SLC25A21: variants seen among roughly 807,000 people sequenced by gnomAD.
The protein encoded by SLC25A21 is solute carrier family 25 member 21.
Under a neutral mutation model 43.8 loss-of-function variants are expected in SLC25A21, and 47 were observed. The ratio of observed to expected loss-of-function variants is 1.07; its 90% CI spans 0.85 to 1.37. The LOEUF is 1.37. SLC25A21 is among the 40% of genes most tolerant of loss of function. The probability of loss-of-function intolerance (pLI) is 0.00; values close to 1 mark genes in which losing one functional copy is unlikely to be tolerated. For missense variants in SLC25A21, 352 were observed against 350.2 expected (o/e 1.00, Z -0.04); for synonymous variants, 131 against 121.3 (o/e 1.08, Z -0.52).
intron 1 of SLC25A21, among the ~76,000 whole-genome samples, chr14:37,134,544 C>G (rs1187570841): frequency 6.6e-6 from 1 of 151,514 alleles, no homozygotes; most frequent in Non-Finnish European, 1.5e-5. Context: ...ACTTGGGAGG[C>G]TGAGGTGGGA....
chr14:36,792,614 G>A (rs1566618637), intron 3 of SLC25A21, among the ~76,000 whole-genome samples: 2 of 152,174 alleles, frequency 1.3e-5, no homozygotes, highest in African/African-American at 4.8e-5. Context: ...TCTAGCTAAT[G>A]ACTCCCTGAA....
intron 2 of SLC25A21, among the ~76,000 whole-genome samples, chr14:36,840,274 A>G (rs1014723803): frequency 2.0e-5 from 3 of 152,056 alleles, no homozygotes; most frequent in Admixed American, 6.5e-5. Flanking sequence ...GGAAAAACTC[A>G]TATGAGTCAA....
chr14:37,170,960 C>T (rs932194539), intron 1 of SLC25A21, among the ~76,000 whole-genome samples: 3 of 150,100 alleles, frequency 2.0e-5, no homozygotes, highest in Non-Finnish European at 4.4e-5. Context: ...CATGGTGATG[C>T]GCATCGGTAA....
intron 3 of SLC25A21, among the ~76,000 whole-genome samples, chr14:36,769,813 C>T (rs369684471): frequency 6.6e-6 from 1 of 152,178 alleles, no homozygotes; most frequent in South Asian, 2.1e-4. Flanking sequence ...AATGTCATTT[C>T]TATTTTTACA....
chr14:36,764,151 A>AAAGAAGGAAAGAAG (rs1886296981), intron 3 of SLC25A21, among the ~76,000 whole-genome samples: 1 of 57,584 alleles, frequency 1.7e-5, no homozygotes, highest in African/African-American at 9.6e-5. Flanking sequence ...AAGGAAAGAA[A>AAAGAAGGAAAGAAG]GAAAGAAAGA....
intron 1 of SLC25A21, among the ~76,000 whole-genome samples, chr14:37,157,280 GAACCCAGGA>G (rs1213901143): frequency 7.9e-5 from 12 of 152,028 alleles, no homozygotes; most frequent in Non-Finnish European, 1.5e-5. Context: ...AGAATTGCTT[GAACCCAGGA>G]AAACAAAGGT....
chr14:37,147,341 C>T (rs1295965903), intron 1 of SLC25A21, among the ~76,000 whole-genome samples: 1 of 152,140 alleles, frequency 6.6e-6, no homozygotes, highest in Non-Finnish European at 1.5e-5. Context: ...GTCAAAAATT[C>T]AAATTTATAA....
chr14:37,170,930 T>TA (rs1594358400), intron 1 of SLC25A21, among the ~76,000 whole-genome samples: 2 of 13,556 alleles, frequency 1.5e-4, no homozygotes, highest in South Asian at 0.02. Context: ...ACAAAAAAAA[T>TA]TAAAAAAAAA....
chr14:36,761,649 G>C (rs1293439110), intron 3 of SLC25A21, among the ~76,000 whole-genome samples: 3 of 152,152 alleles, frequency 2.0e-5, no homozygotes, highest in Non-Finnish European at 2.9e-5. Context: ...CTTGATCTTA[G>C]GATATATTTG....
chr14:36,746,126 C>A (rs1885486890), intron 3 of SLC25A21, among the ~76,000 whole-genome samples: 1 of 152,134 alleles, frequency 6.6e-6, no homozygotes, highest in Non-Finnish European at 1.5e-5. Flanking sequence ...GAAAAAAAAG[C>A]ATCATATCAA....
rs1882125010 is a variant in SLC25A21 at position 36,679,846 on chromosome 14, C to CAA, written c.*810_*811dup. 1.0e-6 allele frequency: 1 copy of CAA among 984,218 alleles called. No homozygotes were observed. Among genetic ancestry groups the CAA allele is most frequent in the African/African-American group, 1.7e-5 (1 of 57,182 alleles). The allele number at this position is 984,218 out of a possible 1,614,324, so 61.0% of individuals were successfully genotyped here. Reference sequence around the variant, plus strand: ...ATTTAACATGACAATATCTCATCAACAAAACTTATCTTCAAAGAGAACTAT... The same window carrying CAA: ...ATTTAACATGACAATATCTCATCAACAAAAAACTTATCTTCAAAGAGAACTAT... On this transcript the variant is annotated 3_prime_UTR_variant, in exon 10 of 10. Coordinates refer to ENST00000331299, the MANE Select transcript of SLC25A21 (RefSeq NM_030631.4).
chr14:36,996,516 T>C (rs1594744064), intron 1 of SLC25A21, among the ~76,000 whole-genome samples: 1 of 152,178 alleles, frequency 6.6e-6, no homozygotes, highest in African/African-American at 2.4e-5. Flanking sequence ...AATAATGTGT[T>C]CTTGTGAGCA....
chr14:36,804,482 A>G (rs1887971254), intron 3 of SLC25A21, among the ~76,000 whole-genome samples: 1 of 152,090 alleles, frequency 6.6e-6, no homozygotes, highest in Non-Finnish European at 1.5e-5. Context: ...CTAGAACTGT[A>G]CTCCTCATCC....
At chr14:36,841,143 G>A (rs1302111153) in intron 2 of SLC25A21, among the ~76,000 whole-genome samples, 4 of 152,020 alleles carry the variant, frequency 2.6e-5, no homozygotes, top group African/African-American at 4.8e-5. Flanking sequence ...TTAGTTTGTC[G>A]ATTACATGTA....
intron 1 of SLC25A21, among the ~76,000 whole-genome samples, chr14:37,107,973 A>G (rs1415402156): frequency 6.6e-6 from 1 of 152,124 alleles, no homozygotes; most frequent in Non-Finnish European, 1.5e-5. Context: ...TGGCATTCCT[A>G]ATAGTGTCCA....
At chr14:37,154,639 A>T (rs548690036) in intron 1 of SLC25A21, among the ~76,000 whole-genome samples, 4 of 131,188 alleles carry the variant, frequency 3.0e-5, no homozygotes, top group African/African-American at 1.4e-4. Flanking sequence ...TTACTAAAAG[A>T]TAGATTTTTT....
chr14:37,117,169 T>C (rs1963120923), intron 1 of SLC25A21, among the ~76,000 whole-genome samples: 1 of 152,180 alleles, frequency 6.6e-6, no homozygotes, highest in Non-Finnish European at 1.5e-5. Flanking sequence ...ACATGAATCA[T>C]CCTTTTGAAA....
chr14:36,921,171 TG>T (rs1157953438), intron 1 of SLC25A21, among the ~76,000 whole-genome samples: 1 of 152,108 alleles, frequency 6.6e-6, no homozygotes, highest in Non-Finnish European at 1.5e-5. Flanking sequence ...CTAGAAATTG[TG>T]GCCCAATGAA....
At chr14:37,135,598 T>C (rs1237446832) in intron 1 of SLC25A21, among the ~76,000 whole-genome samples, 1 of 152,228 alleles carries the variant, frequency 6.6e-6, no homozygotes, top group Non-Finnish European at 1.5e-5. Context: ...TCATTTTTAT[T>C]GGACCACCTC....
Sources: gnomAD v4.1 joint callset for allele counts (sites outside exome capture counted in the v4.1 genomes callset) on GRCh38, gnomAD v4.1.1 for gene constraint, MANE v1.5 for transcripts, NCBI Gene and HGNC (gene_info 2026-07-23, HGNC 2026-07-21) for gene names.